SCFD2: variants seen among roughly 807,000 people sequenced by gnomAD.
SCFD2 encodes the protein sec1 family domain containing 2, also known as sec1 family domain-containing protein 2.
A neutral mutation model predicts 58.9 loss-of-function variants in SCFD2; 54 were observed. The ratio of observed to expected loss-of-function variants is 0.92; its 90% confidence interval spans 0.74 to 1.15. The LOEUF (loss-of-function observed/expected upper bound fraction) is 1.15, where lower values mean the gene tolerates loss of function less well. SCFD2 is among the 50% of genes most tolerant of loss of function. The pLI is 0.00. For synonymous variants in SCFD2, 321 were observed against 335.9 expected (o/e 0.96, Z 0.49); for missense variants, 805 against 836.6 (o/e 0.96, Z 0.47).
At chr4:52,967,492 A>G (rs905052333) in intron 5 of SCFD2, among the ~76,000 whole-genome samples, 1 of 152,250 alleles carries the variant, frequency 6.6e-6, no homozygotes, top group Non-Finnish European at 1.5e-5. Flanking sequence ...TTTACAGATG[A>G]GGAAACTCAA....
chr4:52,970,377 G>A (rs1180935857), intron 5 of SCFD2, among the ~76,000 whole-genome samples: 1 of 152,238 alleles, frequency 6.6e-6, no homozygotes, highest in African/African-American at 2.4e-5. Context: ...TATATCCTGT[G>A]CATGGCTCAG....
At chr4:52,908,319 G>T (rs190843020) in intron 6 of SCFD2, among the ~76,000 whole-genome samples, 2 of 152,180 alleles carry the variant, frequency 1.3e-5, no homozygotes, top group Non-Finnish European at 2.9e-5. Context: ...TTGACCCTGC[G>T]CTTTCTGAGC....
chr4:53,329,674 A>G (rs1733359130), intron 2 of SCFD2, among the ~76,000 whole-genome samples: 1 of 152,224 alleles, frequency 6.6e-6, no homozygotes, highest in African/African-American at 2.4e-5. Context: ...TAGAAACTCT[A>G]AAACGCAGAG....
chr4:53,255,223 T>TTATTTATTTATA (rs1279490115), intron 4 of SCFD2, among the ~76,000 whole-genome samples: 1 of 151,330 alleles, frequency 6.6e-6, no homozygotes, highest in African/African-American at 2.4e-5. Context: ...ATTTATTTAT[T>TTATTTATTTATA]TATTTTTTAT....
At chr4:53,163,412 T>G (rs1726913360) in intron 4 of SCFD2, among the ~76,000 whole-genome samples, 1 of 152,068 alleles carries the variant, frequency 6.6e-6, no homozygotes, top group African/African-American at 2.4e-5. Context: ...AATGAATGAC[T>G]GGATGGCTGC....
intron 5 of SCFD2, among the ~76,000 whole-genome samples, chr4:52,986,192 C>T (rs899033967): frequency 6.7e-6 from 1 of 148,900 alleles, no homozygotes; most frequent in African/African-American, 2.5e-5. Context: ...TCCCTCTGCC[C>T]GTTCCCTGAG....
At chr4:52,997,237 G>C (rs1334632957) in intron 5 of SCFD2, among the ~76,000 whole-genome samples, 1 of 152,164 alleles carries the variant, frequency 6.6e-6, no homozygotes, top group Non-Finnish European at 1.5e-5. Flanking sequence ...AGTTGTTATT[G>C]TTGGCTCCAT....
At chr4:53,142,216 G>A (rs994681441) in intron 5 of SCFD2, among the ~76,000 whole-genome samples, 1 of 152,144 alleles carries the variant, frequency 6.6e-6, no homozygotes, top group African/African-American at 2.4e-5. Flanking sequence ...CAGGATTTTA[G>A]ATGTTAGGAA....
chr4:53,234,376 AGATT>A (rs1255784640), intron 4 of SCFD2, among the ~76,000 whole-genome samples: 1 of 152,184 alleles, frequency 6.6e-6, no homozygotes, highest in East Asian at 1.9e-4. Context: ...GGTGATGGAG[AGATT>A]TATATTTCTT....
chr4:53,134,224 G>A (rs1725873029), intron 5 of SCFD2, among the ~76,000 whole-genome samples: 1 of 152,174 alleles, frequency 6.6e-6, no homozygotes, highest in Admixed American at 6.6e-5. Context: ...AAAGTTTCAG[G>A]TATGTAAGGT....
chr4:53,199,315 C>T (rs1284590657), intron 4 of SCFD2, among the ~76,000 whole-genome samples: 4 of 152,088 alleles, frequency 2.6e-5, no homozygotes, highest in African/African-American at 9.7e-5. Flanking sequence ...TATTTTCTTG[C>T]TTCTCTCCCT....
chr4:53,160,782 T>C (rs779387390), intron 4 of SCFD2, among the ~76,000 whole-genome samples: 2 of 152,180 alleles, frequency 1.3e-5, no homozygotes, highest in African/African-American at 4.8e-5. Flanking sequence ...AAGGTTAATC[T>C]CAAAGTATCA....
chr4:53,137,067 A>G (rs1725964266), intron 5 of SCFD2, among the ~76,000 whole-genome samples: 2 of 152,186 alleles, frequency 1.3e-5, no homozygotes, highest in Admixed American at 1.3e-4. Flanking sequence ...TTCCTACCTA[A>G]TGTACATTTT....
In SCFD2 at chr4:52,975,407, G is replaced by A. The variant is rs1194413307; in HGVS notation, c.1562-54537C>T. The stretch of plus-strand genomic sequence containing the variant: ...AAGGAAGACATTTATGCAGCCAACA[G>A]ACACATGAAAAAATGCTCATCATCA... On this transcript the variant is annotated intron_variant, in intron 5 of 8. Coordinates refer to ENST00000401642, the MANE Select transcript of SCFD2 (RefSeq NM_152540.4). 2.0e-5 allele frequency among the ~76,000 whole-genome samples: 3 copies of A among 152,284 alleles called. No homozygotes were observed. The East Asian group carries it at 5.8e-4, about 29-fold the overall frequency.
intron 4 of SCFD2, among the ~76,000 whole-genome samples, chr4:53,236,222 C>T (rs1192057268): frequency 6.6e-6 from 1 of 152,092 alleles, no homozygotes; most frequent in Non-Finnish European, 1.5e-5. Context: ...CAGCCTACAT[C>T]TTTCTCCCAT....
chr4:53,033,028 C>A (rs188073936), intron 5 of SCFD2, among the ~76,000 whole-genome samples: 84 of 152,262 alleles, frequency 5.5e-4, no homozygotes, highest in South Asian at 1.2e-3. Flanking sequence ...CTTCTCAGCA[C>A]CTCATTGCAC....
intron 1 of SCFD2, among the ~76,000 whole-genome samples, chr4:53,364,732 AG>A (rs1358783978): frequency 2.8e-5 from 1 of 35,092 alleles, no homozygotes; most frequent in Non-Finnish European, 1.4e-4. Flanking sequence ...CCAACAAACC[AG>A]AGTCTTCTTA....
At chr4:53,316,458 T>C (rs1017963268) in intron 2 of SCFD2, among the ~76,000 whole-genome samples, 1 of 152,230 alleles carries the variant, frequency 6.6e-6, no homozygotes, top group Non-Finnish European at 1.5e-5. Flanking sequence ...TGTTGTAGGA[T>C]TAAATAATAT....
intron 3 of SCFD2, among the ~76,000 whole-genome samples, chr4:53,300,825 T>G (rs539826451): frequency 2.6e-3 from 399 of 152,334 alleles, no homozygotes; most frequent in Non-Finnish European, 4.5e-3. Context: ...ACATGGAAAC[T>G]GAGCAAGCTG....
Sources: gnomAD v4.1 joint callset for allele counts (sites outside exome capture counted in the v4.1 genomes callset) on GRCh38, gnomAD v4.1.1 for gene constraint, MANE v1.5 for transcripts, NCBI Gene and HGNC (gene_info 2026-07-23, HGNC 2026-07-21) for gene names.